The following BBS7 variants were observed in gnomAD, a reference collection of about 807,000 sequenced individuals.
The protein encoded by BBS7 is BBSome complex member BBS7.
A neutral mutation model predicts 90.3 loss-of-function variants in BBS7; 50 were observed. That is an observed-to-expected ratio of 0.55 (90% CI 0.44 to 0.70). BBS7 has a LOEUF of 0.70. Among genes scored for constraint, BBS7 ranks in the 30% least tolerant of loss-of-function variants. BBS7 has a pLI of 0.00. For missense variants in BBS7, 729 were observed against 838.9 expected (o/e 0.87, Z 1.62); for synonymous variants, 235 against 287.4 (o/e 0.82, Z 1.85).
In BBS7 at chr4:121,828,509, G is replaced by C. The variant is rs1246504673; in HGVS notation, c.1787-4C>G. 6.2e-7 allele frequency: 1 copy of C among 1,609,152 alleles called. No homozygotes were observed. Among genetic ancestry groups the C allele is most frequent in the South Asian group, 1.1e-5 (1 of 90,964 alleles). On this transcript the variant is annotated splice_region_variant and splice_polypyrimidine_tract_variant and intron_variant, in intron 16 of 18. Transcript: ENST00000264499. Reference sequence around the variant, plus strand: ...TTGACTGATACTTCATTTATCTCTAGAAGGAGTTGACCAGATGCAGTTAGA... The same window carrying C: ...TTGACTGATACTTCATTTATCTCTACAAGGAGTTGACCAGATGCAGTTAGA...
Position 121,828,405 on chromosome 4 carries a change from TA to T in BBS7, c.1886del (p.Leu629Ter). 6.2e-7 allele frequency: 1 copy of T among 1,613,338 alleles called. No individual in the cohort carries two copies. The highest frequency in any genetic ancestry group is 8.5e-7 in the Non-Finnish European group (1 of 1,179,312). Reference sequence around the variant, plus strand: ...CCACGACGACACATGTACTTACTTTTAAAGCATCAATTAACTGCACTTTCTT... The same window carrying T: ...CCACGACGACACATGTACTTACTTTTAAGCATCAATTAACTGCACTTTCTT... Reference protein sequence around the residue: ...LAKKVQLIDALKELQIHEGNT... With the variant: ...LAKKVQLIDAXKELQIHEGNT... On this transcript the variant is annotated frameshift_variant, in exon 17 of 19. Transcript: ENST00000264499. LOFTEE classifies it high-confidence loss of function.
chr4:121,831,114 A>G (rs985608424), intron 15 of BBS7, among the ~76,000 whole-genome samples: 1 of 152,250 alleles, frequency 6.6e-6, no homozygotes, highest in Non-Finnish European at 1.5e-5. Flanking sequence ...TTGAGGCAGG[A>G]GAATCACTTG....
chr4:121,855,459 T>G (rs544268902), intron 6 of BBS7, 30 bp downstream of exon 6: 1 of 1,585,736 alleles, frequency 6.3e-7, no homozygotes, highest in Non-Finnish European at 8.7e-7. Flanking sequence ...AAACACATAG[T>G]TGATTTGTGA....
intron 8 of BBS7, among the ~76,000 whole-genome samples, chr4:121,851,718 A>G (rs1339809990): frequency 6.6e-6 from 1 of 152,218 alleles, no homozygotes; most frequent in Non-Finnish European, 1.5e-5. Context: ...TTAATCAACC[A>G]TCTACCAGTC....
At position 121,839,675 on chromosome 4, in the gene BBS7, C is replaced by A; in HGVS notation, c.1327G>T (p.Ala443Ser). The change falls in exon 13 of 19, where the codon GCC (alanine) becomes TCC (serine). Residue 443 changes from alanine to serine, a missense_variant. Ala to Ser is a moderately conservative substitution (Grantham distance 99). Transcript: ENST00000264499. ...DSESNDNFLL[A>S]TYRCQADTTR... The stretch of plus-strand genomic sequence containing the variant: ...GTATCTGCCTGGCACCGATAAGTGG[C>A]AAGAAGGAAGTTGTCGTTTGACTGG... 6.2e-7 allele frequency: 1 copy of A among 1,613,658 alleles called. No homozygotes were observed. The highest frequency in any genetic ancestry group is 8.5e-7 in the Non-Finnish European group (1 of 1,179,804).
At chr4:121,846,964 G>C (rs1183598711) in intron 10 of BBS7, among the ~76,000 whole-genome samples, 2 of 152,070 alleles carry the variant, frequency 1.3e-5, no homozygotes, top group Non-Finnish European at 2.9e-5. Context: ...TGTGTCTAGG[G>C]GAGTCAAAAT....
chr4:121,833,084 C>T, intron 15 of BBS7, 147 bp downstream of exon 15: 1 of 744,576 alleles, frequency 1.3e-6, no homozygotes, highest in Non-Finnish European at 2.2e-6. Flanking sequence ...CTTTTCTAAA[C>T]TTACTAATTT....
chr4:121,841,382 C>T (rs569420068), intron 12 of BBS7, among the ~76,000 whole-genome samples: 31 of 150,888 alleles, frequency 2.1e-4, no homozygotes, highest in African/African-American at 6.9e-4. Flanking sequence ...CAAAGTGAGG[C>T]CCCATTTCTA....
At chr4:121,826,089 CACCTGT>C in intron 18 of BBS7, 96 bp from the exon 19 acceptor site, 1 of 1,024,212 alleles carries the variant, frequency 9.8e-7, no homozygotes, top group Non-Finnish European at 1.4e-6. Flanking sequence ...TATTTTTAAG[CACCTGT>C]AATTCCATGA....
At chr4:121,854,924 A>C (rs758715848) in intron 6 of BBS7, 104 bp from the exon 7 acceptor site, 31 of 1,100,126 alleles carry the variant, frequency 2.8e-5, no homozygotes, top group Non-Finnish European at 3.8e-5. Context: ...AAGTACTATA[A>C]AAAGATATAA....
At chr4:121,863,092 A>G in intron 3 of BBS7, 125 bp downstream of exon 3, 1 of 879,458 alleles carries the variant, frequency 1.1e-6, no homozygotes, top group Admixed American at 2.0e-5. Flanking sequence ...ATCTCACATA[A>G]CTACTTACCT....
intron 5 of BBS7, among the ~76,000 whole-genome samples, chr4:121,857,121 C>CT (rs113652840): frequency 0.75 from 107,823 of 143,614 alleles, 40,385 homozygotes; most frequent in African/African-American, 0.81. Flanking sequence ...TATGCTTTAT[C>CT]TTTTTTTTTT....
At chr4:121,855,858 A>G (rs866962271) in intron 5 of BBS7, among the ~76,000 whole-genome samples, 113 of 144,532 alleles carry the variant, frequency 7.8e-4, no homozygotes, top group African/African-American at 3.0e-3. Context: ...ATGCACATGT[A>G]TGTGTATATA....
intron 12 of BBS7, among the ~76,000 whole-genome samples, chr4:121,843,093 C>T (rs1403758366): frequency 6.6e-6 from 1 of 152,052 alleles, no homozygotes; most frequent in Non-Finnish European, 1.5e-5. Flanking sequence ...TTAAGAACTT[C>T]AGTTTGGCAG....
Position 121,848,927 on chromosome 4 carries a change from A to T in BBS7, c.851T>A (p.Met284Lys), listed in dbSNP as rs1380142031. ...GATAGATGTGACGCTTTCAGACAAC[A>T]TCTAAAAAAGTTTAAGACCAAGCAC... is the stretch of plus-strand genomic sequence containing the variant. ...ANEPVLRFDQ[M>K]LSESVTSIQG... Residue 284 changes from methionine (M) to lysine (K), a missense_variant and splice_region_variant, in exon 9 of 19, where the codon ATG becomes AAG. By Grantham distance (95) the Met-to-Lys change is moderately conservative. Coordinates refer to ENST00000264499, the MANE Select transcript of BBS7 (RefSeq NM_176824.3). The T allele has an allele frequency of 6.2e-6, 10 of 1,613,672 alleles. No homozygotes were observed. The South Asian group carries it at 8.8e-5, about 14-fold the overall frequency.
chr4:121,855,730 T>C (rs966050223), intron 5 of BBS7, among the ~76,000 whole-genome samples, 169 bp from the exon 6 acceptor site: 9 of 152,072 alleles, frequency 5.9e-5, no homozygotes, highest in Non-Finnish European at 4.4e-5. Context: ...ATTTTGCATA[T>C]ATCAACTGAT....
Position 121,831,462 on chromosome 4 carries a change from T to TA in BBS7, c.1676+1768dup, listed in dbSNP as rs111284105. On this transcript the variant is annotated intron_variant, in intron 15 of 18. Coordinates refer to ENST00000264499, the MANE Select transcript of BBS7 (RefSeq NM_176824.3). ...CTTGGGCAACACAGTGAGACTCTCT[T>TA]AAAAAAAAAAAAGTAGCTATTAAGT... Among the ~76,000 whole-genome samples, 300 of 141,904 alleles carry TA rather than the reference T, an allele frequency of 2.1e-3. 1 individual carries two copies. The highest frequency in any genetic ancestry group is 6.3e-3 in the South Asian group (28 of 4,454). The allele number at this position is 141,904 out of a possible 152,430, so 93.1% of individuals were successfully genotyped here. A position where few individuals can be genotyped will look rare whatever the true frequency, so the allele number is the denominator to read the frequency against.
At chr4:121,868,763 A>G (rs1461598479) in intron 1 of BBS7, among the ~76,000 whole-genome samples, 2 of 151,346 alleles carry the variant, frequency 1.3e-5, no homozygotes, top group Non-Finnish European at 2.9e-5. Context: ...CATAACATCC[A>G]ATCTAACAGG....
chr4:121,841,598 A>G (rs1386665575), intron 12 of BBS7, among the ~76,000 whole-genome samples: 1 of 152,018 alleles, frequency 6.6e-6, no homozygotes, highest in East Asian at 1.9e-4. Flanking sequence ...CATATGTTGA[A>G]AATTAGTGAT....
Sources: allele counts gnomAD v4.1 joint callset (sites outside exome capture counted in the v4.1 genomes callset), GRCh38; gene constraint gnomAD v4.1.1; transcripts MANE v1.5; gene names NCBI Gene and HGNC (gene_info 2026-07-23, HGNC 2026-07-21).